The following SLC7A10 variants were observed in gnomAD, a reference collection of about 807,000 sequenced individuals.
SLC7A10 encodes solute carrier family 7 member 10.
A neutral mutation model predicts 52.7 loss-of-function variants in SLC7A10; 30 were observed. That is an observed-to-expected ratio of 0.57 (90% CI 0.43 to 0.77). SLC7A10 has a LOEUF of 0.77. SLC7A10 is among the 30% of genes least tolerant of loss of function. SLC7A10 has a pLI of 0.00. For missense variants in SLC7A10, 581 were observed against 698.5 expected (o/e 0.83, Z 1.90); for synonymous variants, 318 against 314.9 (o/e 1.01, Z -0.10).
intron 2 of SLC7A10, 49 bp downstream of exon 2, chr19:33,215,720 T>A: frequency 1.3e-6 from 2 of 1,512,070 alleles, no homozygotes; most frequent in Admixed American, 2.1e-5. Context: ...CATTTGGCCA[T>A]CCCATTCCCA....
intron 9 of SLC7A10, among the ~76,000 whole-genome samples, chr19:33,209,713 C>G (rs571885774): frequency 6.6e-6 from 1 of 152,182 alleles, no homozygotes; most frequent in East Asian, 1.9e-4. Flanking sequence ...TCAGCGGCAC[C>G]GAGCTCCACA....
intron 3 of SLC7A10, 75 bp downstream of exon 3, chr19:33,212,776 G>T: frequency 6.2e-7 from 1 of 1,606,424 alleles, no homozygotes; most frequent in Non-Finnish European, 8.5e-7. Context: ...TCACCCCTCT[G>T]TCCTCCTGCT....
Position 33,208,709 on chromosome 19 carries a change from G to T in SLC7A10, c.*182C>A. On this transcript the variant is annotated 3_prime_UTR_variant, in exon 11 of 11. Transcript: ENST00000253188. The surrounding 1 kb of genome is among the most constrained non-coding windows in gnomAD (Gnocchi z 4.7). ...TTATAGGCCTTTTCAGGAAGAGCTAGCAGGGCAGTGCTAAGACAGGAAACC... is the reference window on the plus strand; with the variant it reads ...TTATAGGCCTTTTCAGGAAGAGCTATCAGGGCAGTGCTAAGACAGGAAACC... 2.7e-6 allele frequency: 2 copies of T among 733,934 alleles called. No homozygotes were observed. Among genetic ancestry groups the T allele is most frequent in the South Asian group, 3.6e-5 (2 of 55,458 alleles). The allele number at this position is 733,934 out of a possible 1,614,324, so 45.5% of individuals were successfully genotyped here. A position where few individuals can be genotyped will look rare whatever the true frequency, so the allele number is the denominator to read the frequency against.
At chr19:33,218,162 G>A (rs915501966) in intron 1 of SLC7A10, among the ~76,000 whole-genome samples, 1 of 152,166 alleles carries the variant, frequency 6.6e-6, no homozygotes. Flanking sequence ...CACCCACCCT[G>A]CAGAGAGCCC....
chr19:33,225,216 C>A (rs968375290), intron 1 of SLC7A10, among the ~76,000 whole-genome samples: 7 of 152,232 alleles, frequency 4.6e-5, no homozygotes, highest in Admixed American at 3.3e-4. Context: ...GCGCTAATCG[C>A]AGGACTGCAG....
chr19:33,212,755 GA>G, intron 3 of SLC7A10, 95 bp downstream of exon 3: 1 of 1,605,652 alleles, frequency 6.2e-7, no homozygotes. Context: ...GGAATTTTCT[GA>G]AGGGAAATTT....
chr19:33,215,747 C>T (rs1257094402), intron 2 of SLC7A10, 22 bp downstream of exon 2: 1 of 1,548,428 alleles, frequency 6.5e-7, no homozygotes, highest in Admixed American at 2.0e-5. Flanking sequence ...TGTCCCCCTG[C>T]CCGCTGGTGC....
At chr19:33,215,326 C>A (rs2145480774) in intron 2 of SLC7A10, among the ~76,000 whole-genome samples, 1 of 151,900 alleles carries the variant, frequency 6.6e-6, no homozygotes. Flanking sequence ...TATCACACTT[C>A]CTTCCTTGCT....
At position 33,209,495 on chromosome 19, in the gene SLC7A10, G is replaced by C. The variant is rs1451295618; in HGVS notation, c.1264-10C>G. The C allele has an allele frequency of 1.9e-6, 3 of 1,613,584 alleles. No individual in the cohort carries two copies. The highest frequency in any genetic ancestry group is 2.5e-6 in the Non-Finnish European group (3 of 1,179,928). On this transcript the variant is annotated splice_polypyrimidine_tract_variant and intron_variant, in intron 9 of 10. Coordinates refer to ENST00000253188, the MANE Select transcript of SLC7A10 (RefSeq NM_019849.3). ...GGATGAGAAGGTTCACCTGGGGAAGGGGGAGCAGAAACACCGATGGTGCAG... is the reference window on the plus strand; with the variant it reads ...GGATGAGAAGGTTCACCTGGGGAAGCGGGAGCAGAAACACCGATGGTGCAG...
rs909483971 is a variant in SLC7A10, at chr19:33,210,950, G to C, written c.1017-52C>G. 1.9e-6 allele frequency: 3 copies of C among 1,545,934 alleles called. No homozygotes were observed. In the Admixed American group the frequency reaches 5.0e-5, roughly 26 times the overall value. On this transcript the variant is annotated intron_variant, in intron 7 of 10. Coordinates refer to ENST00000253188, the MANE Select transcript of SLC7A10 (RefSeq NM_019849.3). The surrounding 1 kb of genome is among the most constrained non-coding windows in gnomAD (Gnocchi z 5.6). ...TGGCCACATCCTGGGTCTCAGCTTTGGACCTGATGTCCCTCTTAAGCTGTC... is the reference window on the plus strand; with the variant it reads ...TGGCCACATCCTGGGTCTCAGCTTTCGACCTGATGTCCCTCTTAAGCTGTC...
At chr19:33,220,685 T>C (rs1181455799) in intron 1 of SLC7A10, among the ~76,000 whole-genome samples, 1 of 152,198 alleles carries the variant, frequency 6.6e-6, no homozygotes, top group Non-Finnish European at 1.5e-5. Context: ...AATCTGTATA[T>C]GCAACGAACC....
Position 33,209,328 on chromosome 19 carries a change from T to C in SLC7A10, c.1421A>G (p.Lys474Arg). The C allele has an allele frequency of 6.2e-7, 1 of 1,613,920 alleles. No homozygotes were observed. The highest frequency in any genetic ancestry group is 8.5e-7 in the Non-Finnish European group (1 of 1,179,974). ...CTCACCTGTGAGTCTGTGCACACAC[T>C]TTGGTTTGCTTCTCCAGAACACTCC... ...FLGVFWRSKP[K>R]CVHRLTESMT... is the part of the protein sequence containing the mutation. Residue 474 changes from lysine (K) to arginine (R), a missense_variant, in exon 10 of 11, where the codon AAG (lysine) becomes AGG (arginine). Transcript: ENST00000253188.
chr19:33,209,572 C>T (rs944385867), intron 9 of SLC7A10, 87 bp from the exon 10 acceptor site: 20 of 1,442,742 alleles, frequency 1.4e-5, no homozygotes, highest in Non-Finnish European at 1.8e-5. Flanking sequence ...GAATTTTCCT[C>T]CCTTCCCTGG....
Position 33,208,987 on chromosome 19 carries a change from G to C in SLC7A10, c.1476C>G (p.Phe492Leu). ...SMTHWGQELC[F>L]VVYPQDAPEE... ...CGGGGGCGTCCTGGGGGTAGACCAC[G>C]AAACACAGCTCCTGGCCCCAGTGTG... is the stretch of plus-strand genomic sequence containing the variant. The change falls in exon 11 of 11, where the codon TTC becomes TTG. Residue 492 changes from phenylalanine (F) to leucine (L), a missense_variant. Physicochemically the swap from Phe to Leu is conservative, Grantham distance 22 (BLOSUM62 0). Transcript: ENST00000253188. The surrounding 1 kb of genome is among the most constrained non-coding windows in gnomAD (Gnocchi z 4.7). The C allele has an allele frequency of 6.2e-7, 1 of 1,613,852 alleles. No individual in the cohort carries two copies. The highest frequency in any genetic ancestry group is 8.5e-7 in the Non-Finnish European group (1 of 1,180,018).
chr19:33,215,718 C>T, intron 2 of SLC7A10, 51 bp downstream of exon 2: 1 of 1,528,792 alleles, frequency 6.5e-7, no homozygotes. Context: ...CTCATTTGGC[C>T]ATCCCATTCC....
Position 33,225,620 on chromosome 19 carries a change from G to T in SLC7A10, c.84C>A (p.Pro28=). 6.3e-7 allele frequency: 1 copy of T among 1,592,340 alleles called. No individual in the cohort carries two copies. The highest frequency in any genetic ancestry group is 1.1e-5 in the South Asian group (1 of 90,050). Residue 28 remains proline, a synonymous_variant, in exon 1 of 11, where the codon CCC becomes CCA. Transcript: ENST00000253188. ...PSPSPVPGTV[P]GASERVALKK... Reference sequence around the variant, plus strand: ...TGAGCGCCACCCGCTCCGAGGCGCCGGGGACGGTCCCTGGGACTGGGGAGG... The same window carrying T: ...TGAGCGCCACCCGCTCCGAGGCGCCTGGGACGGTCCCTGGGACTGGGGAGG...
At chr19:33,212,720 G>T in intron 3 of SLC7A10, 81 bp from the exon 4 acceptor site, 1 of 1,611,028 alleles carries the variant, frequency 6.2e-7, no homozygotes, top group South Asian at 1.1e-5. Context: ...CAGGCGGCCC[G>T]AGAATGGCAT....
At position 33,212,463 on chromosome 19, in the gene SLC7A10, G is replaced by A. The variant is rs777081319; in HGVS notation, c.635-18C>T. 2.5e-5 allele frequency: 41 copies of A among 1,613,748 alleles called. No individual in the cohort carries two copies. The highest frequency in any genetic ancestry group is 4.0e-5 in the African/African-American group (3 of 74,952). On this transcript the variant is annotated intron_variant, in intron 4 of 10. Coordinates refer to ENST00000253188, the MANE Select transcript of SLC7A10 (RefSeq NM_019849.3). The stretch of plus-strand genomic sequence containing the variant: ...GAAGTGTCCTGGAGGCCCAGAAGTC[G>A]GGGGTCAGCACCATCTCCCCAGCCC...
Position 33,222,455 on chromosome 19 carries a change from AAAATAAAAT to A in SLC7A10, c.151+3089_151+3097del, listed in dbSNP as rs1377159017. On this transcript the variant is annotated intron_variant, in intron 1 of 10. Transcript: ENST00000253188. ...TAAAATAAAATAAAATAAATAAAAT[AAAATAAAAT>A]AAATAAAATAAAATAAAATAAAATA... Among the ~76,000 whole-genome samples, 383 of 132,164 alleles carry A rather than the reference AAAATAAAAT, an allele frequency of 2.9e-3. 2 individuals carry two copies. The highest frequency in any genetic ancestry group is 0.01 in the African/African-American group (360 of 34,840). 86.7% of individuals were successfully genotyped at this position (132,164 alleles called of 152,430 possible). A position where few individuals can be genotyped will look rare whatever the true frequency, so the allele number is the denominator to read the frequency against.
Sources: gnomAD v4.1 joint callset for allele counts (sites outside exome capture counted in the v4.1 genomes callset) on GRCh38, gnomAD v4.1.1 for gene constraint, Gnocchi (gnomAD v3.1) non-coding constraint, MANE v1.5 for transcripts, NCBI Gene and HGNC (gene_info 2026-07-23, HGNC 2026-07-21) for gene names.